CR1: variants seen among roughly 807,000 people sequenced by gnomAD.
CR1 encodes the protein complement C3b/C4b receptor 1 (Knops blood group).
A neutral mutation model predicts 187.3 loss-of-function variants in CR1; 116 were observed. The ratio of observed to expected loss-of-function variants is 0.62; its 90% CI spans 0.53 to 0.72. CR1 has a LOEUF of 0.72. CR1 is among the 30% of genes least tolerant of loss of function. CR1 has a pLI of 0.00. For missense variants in CR1, 1,731 were observed against 2,110.7 expected, an observed-to-expected ratio of 0.82 and a Z score of 3.52; for synonymous variants, 576 against 747.1, an observed-to-expected ratio of 0.77 and a Z score of 3.73.
intron 4 of CR1, among the ~76,000 whole-genome samples, chr1:207,515,273 A>T (rs1359036129): frequency 6.8e-6 from 1 of 147,644 alleles, no homozygotes; most frequent in South Asian, 2.1e-4. Flanking sequence ...ATACGTATAC[A>T]TATATAGGTA....
intron 29 of CR1, 120 bp downstream of exon 29, chr1:207,578,323 G>A (rs1339655240): frequency 2.9e-5 from 45 of 1,570,174 alleles, no homozygotes; most frequent in Non-Finnish European, 3.6e-5. Flanking sequence ...AGTAAGTTTT[G>A]GGGGAAGAAG....
intron 35 of CR1, among the ~76,000 whole-genome samples, chr1:207,591,243 C>T (rs1485767835): frequency 6.6e-6 from 1 of 152,184 alleles, no homozygotes; most frequent in Non-Finnish European, 1.5e-5. Flanking sequence ...GAAATCATAA[C>T]AAACAGTCTC....
At chr1:207,621,359 T>C (rs1662309438) in intron 43 of CR1, among the ~76,000 whole-genome samples, 1 of 152,192 alleles carries the variant, frequency 6.6e-6, no homozygotes, top group African/African-American at 2.4e-5. Flanking sequence ...CTGATATTGT[T>C]GTGTGTTGAA....
At chr1:207,575,720 A>G (rs375707251) in intron 28 of CR1, 40 bp downstream of exon 28, 3 of 1,611,402 alleles carry the variant, frequency 1.9e-6, no homozygotes, top group Admixed American at 1.7e-5. Flanking sequence ...CCACCATTGA[A>G]TCCTAGAGTT....
At chr1:207,637,611 T>C (rs1024287293) in intron 46 of CR1, among the ~76,000 whole-genome samples, 1 of 152,246 alleles carries the variant, frequency 6.6e-6, no homozygotes. Flanking sequence ...GCATTAAACA[T>C]CCTGGTGCTC....
At chr1:207,623,587 AACACACACACACACACACACACACACAC>A (rs55918544) in intron 45 of CR1, among the ~76,000 whole-genome samples, 3 of 144,130 alleles carry the variant, frequency 2.1e-5, no homozygotes, top group South Asian at 2.3e-4. Flanking sequence ...TACATCTCAA[AACACACACACACACACACACACACACAC>A]ACACACACAC....
intron 39 of CR1, among the ~76,000 whole-genome samples, chr1:207,612,771 G>C (rs1413812362): frequency 6.6e-6 from 1 of 152,250 alleles, no homozygotes; most frequent in African/African-American, 2.4e-5. Flanking sequence ...GCCACTCCAA[G>C]CACCTGCACA....
intron 39 of CR1, 42 bp from the exon 40 acceptor site, chr1:207,614,361 TG>T (rs1558268531): frequency 6.8e-7 from 1 of 1,469,056 alleles, no homozygotes; most frequent in East Asian, 2.3e-5. Context: ...AAGGGAGAGA[TG>T]GGAATTGCTC....
Position 207,520,968 on chromosome 1 carries a change from GTTTTTTTTTTTT to G in CR1, c.488-2629_488-2618del, listed in dbSNP as rs141546660. 3.6e-3 allele frequency among the ~76,000 whole-genome samples: 162 copies of G among 44,598 alleles called. 2 individuals carry two copies. The South Asian group carries it at 0.11, about 30-fold the overall frequency. The allele number at this position is 44,598 out of a possible 152,430, so 29.3% of individuals were successfully genotyped here. The stretch of plus-strand genomic sequence containing the variant: ...TTTGCACATTTTTTTTTTTTTGGTT[GTTTTTTTTTTTT>G]TTTTTTTTTTTTTGACAGAATTTCA... On this transcript the variant is annotated intron_variant, in intron 4 of 46. Transcript: ENST00000367049.
intron 35 of CR1, among the ~76,000 whole-genome samples, chr1:207,592,247 C>T (rs566026837): frequency 1.2e-4 from 18 of 152,280 alleles, no homozygotes; most frequent in African/African-American, 3.6e-4. Flanking sequence ...TTATCCACAA[C>T]GATCAAGCTG....
At chr1:207,601,831 G>C (rs930533142) in intron 35 of CR1, among the ~76,000 whole-genome samples, 1 of 151,048 alleles carries the variant, frequency 6.6e-6, no homozygotes, top group African/African-American at 2.4e-5. Context: ...TATCAGATAG[G>C]GTTTTCACAT....
In CR1 at chr1:207,524,052, C is replaced by A. The variant is rs368201059; in HGVS notation, c.886+43C>A. The A allele has an allele frequency of 3.7e-6, 6 of 1,611,588 alleles. No individual in the cohort carries two copies. The East Asian group carries it at 6.7e-5, about 18-fold the overall frequency. Reference sequence around the variant, plus strand: ...CTAGAAGGGCCCTGCCAGTGACATGCGTTGCTGTTGGATCAGGAGATTAGT... The same window carrying A: ...CTAGAAGGGCCCTGCCAGTGACATGAGTTGCTGTTGGATCAGGAGATTAGT... On this transcript the variant is annotated intron_variant, in intron 5 of 46. Transcript: ENST00000367049.
chr1:207,578,231 C>G, intron 29 of CR1, 28 bp downstream of exon 29: 1 of 1,611,646 alleles, frequency 6.2e-7, no homozygotes, highest in Non-Finnish European at 8.5e-7. Context: ...CTAGAAGGGC[C>G]CTGCCAGTGA....
intron 27 of CR1, among the ~76,000 whole-genome samples, chr1:207,574,541 G>C (rs1013970437): frequency 7.9e-5 from 12 of 152,056 alleles, no homozygotes; most frequent in Non-Finnish European, 1.5e-4. Flanking sequence ...CAATGAGATA[G>C]GATATTGGTA....
intron 42 of CR1, among the ~76,000 whole-genome samples, 171 bp downstream of exon 42, chr1:207,618,418 C>T (rs1662212617): frequency 1.3e-5 from 2 of 152,176 alleles, no homozygotes; most frequent in South Asian, 4.2e-4. Context: ...TAACTGTCCT[C>T]TTTGCATGGT....
At chr1:207,583,922 T>C (rs1238457083) in intron 32 of CR1, among the ~76,000 whole-genome samples, 1 of 152,136 alleles carries the variant, frequency 6.6e-6, no homozygotes, top group Non-Finnish European at 1.5e-5. Flanking sequence ...TCTTCCCAAA[T>C]TCAAAGCAAA....
intron 4 of CR1, among the ~76,000 whole-genome samples, chr1:207,517,403 G>T (rs1383819227): frequency 6.6e-6 from 1 of 151,938 alleles, no homozygotes; most frequent in East Asian, 1.9e-4. Context: ...AAATATTGCT[G>T]GATTCAGTTT....
intron 1 of CR1, among the ~76,000 whole-genome samples, chr1:207,501,657 G>T (rs1659273815): frequency 6.6e-6 from 1 of 152,008 alleles, no homozygotes; most frequent in South Asian, 2.1e-4. Context: ...GTAATTAAGG[G>T]GAAGGAACTT....
intron 13 of CR1, among the ~76,000 whole-genome samples, chr1:207,544,836 C>T (rs989697639): frequency 3.3e-5 from 4 of 119,544 alleles, no homozygotes; most frequent in African/African-American, 7.0e-5. Context: ...GATGTATGGA[C>T]GCTCTTTGTT....
Sources: allele counts gnomAD v4.1 joint callset (sites outside exome capture counted in the v4.1 genomes callset), GRCh38; gene constraint gnomAD v4.1.1; transcripts MANE v1.5; gene names NCBI Gene and HGNC (gene_info 2026-07-23, HGNC 2026-07-21).